The following COL26A1 variants were observed in gnomAD, a reference collection of about 807,000 sequenced individuals.
COL26A1 encodes collagen alpha-1(XXVI) chain.
In COL26A1, 41 loss-of-function variants were observed where a neutral mutation model predicts 59.3. The observed-to-expected ratio is 0.69, with a 90% CI of 0.54 to 0.90. The LOEUF (loss-of-function observed/expected upper bound fraction) is 0.90, where lower values mean the gene tolerates loss of function less well. COL26A1 is among the 40% of genes least tolerant of loss of function. COL26A1 has a pLI of 0.00. For missense variants in COL26A1, 612 were observed against 602.3 expected (o/e 1.02, Z -0.17); for synonymous variants, 266 against 256.0 (o/e 1.04, Z -0.37).
At chr7:101,478,313 C>T (rs1794092906) in intron 3 of COL26A1, among the ~76,000 whole-genome samples, 1 of 152,204 alleles carries the variant, frequency 6.6e-6, no homozygotes, top group African/African-American at 2.4e-5. Context: ...ACAAACCTTT[C>T]TGTGACTTGA....
At chr7:101,524,769 CTT>C (rs1429965700) in intron 3 of COL26A1, among the ~76,000 whole-genome samples, 1 of 152,078 alleles carries the variant, frequency 6.6e-6, no homozygotes, top group African/African-American at 2.4e-5. Context: ...TGTAAACTGT[CTT>C]TATATTCCAG....
Position 101,363,188 on chromosome 7 carries a change from C to T in COL26A1, c.156C>T (p.Arg52=), listed in dbSNP as rs919553482. The change falls in exon 1 of 13, where the codon CGC becomes CGT. Residue 52 remains arginine, a splice_region_variant and synonymous_variant. Transcript: ENST00000313669. ...CCCCTGGCAGCGGCTACGCGAGCCGCCGGTGAGTAGCTCGGGGCCGAGGGG... is the reference window on the plus strand; with the variant it reads ...CCCCTGGCAGCGGCTACGCGAGCCGTCGGTGAGTAGCTCGGGGCCGAGGGG... The part of the protein sequence containing the change: ...AGSPGSGYAS[R]RHWCHHTVTR... 6.8e-7 allele frequency: 1 copy of T among 1,474,430 alleles called. No homozygotes were observed. Among genetic ancestry groups the T allele is most frequent in the Admixed American group, 2.2e-5 (1 of 46,456 alleles). 91.3% of individuals were successfully genotyped at this position (1,474,430 alleles called of 1,614,324 possible).
At chr7:101,401,190 G>A (rs17133749) in intron 1 of COL26A1, among the ~76,000 whole-genome samples, 1 of 151,966 alleles carries the variant, frequency 6.6e-6, no homozygotes, top group Admixed American at 6.6e-5. Context: ...CCTTCAAGCC[G>A]TCTGGACAGT....
At chr7:101,538,662 A>G (rs2130651048) in intron 4 of COL26A1, among the ~76,000 whole-genome samples, 1 of 152,270 alleles carries the variant, frequency 6.6e-6, no homozygotes, top group South Asian at 2.1e-4. Context: ...TGCAGCCCAC[A>G]GCAGGGCCTG....
At chr7:101,410,686 GGTGT>G (rs3072481) in intron 1 of COL26A1, among the ~76,000 whole-genome samples, 3,947 of 149,614 alleles carry the variant, frequency 0.026, 70 homozygotes, top group Non-Finnish European at 0.041. Context: ...GGCTAATTTT[GGTGT>G]GTGTGTGTGT....
At chr7:101,467,809 G>C (rs1430372966) in intron 3 of COL26A1, among the ~76,000 whole-genome samples, 2 of 152,170 alleles carry the variant, frequency 1.3e-5, no homozygotes, top group East Asian at 3.9e-4. Context: ...AGGGCTTGCA[G>C]TGAGCCGAGA....
intron 1 of COL26A1, among the ~76,000 whole-genome samples, chr7:101,404,141 T>TG (rs1792074819): frequency 6.6e-6 from 1 of 152,144 alleles, no homozygotes; most frequent in Admixed American, 6.6e-5. Context: ...TTGTGAAGCC[T>TG]GGAGCGGTGG....
At chr7:101,395,475 C>A (rs1584369683) in intron 1 of COL26A1, among the ~76,000 whole-genome samples, 1 of 152,214 alleles carries the variant, frequency 6.6e-6, no homozygotes, top group Non-Finnish European at 1.5e-5. Context: ...GGCAGGCCCT[C>A]CGCCCTGGTA....
At chr7:101,363,529 G>GGGGCGCA (rs1790957219) in intron 1 of COL26A1, among the ~76,000 whole-genome samples, 1 of 90,834 alleles carries the variant, frequency 1.1e-5, no homozygotes, top group Admixed American at 9.9e-5. Context: ...ATTGGGGGCT[G>GGGGCGCA]GGGCGCGGGG....
chr7:101,486,734 T>C (rs1386171450), intron 3 of COL26A1, among the ~76,000 whole-genome samples: 1 of 152,260 alleles, frequency 6.6e-6, no homozygotes, highest in Non-Finnish European at 1.5e-5. Context: ...CCTGCCTTTG[T>C]CTTCTATCAG....
At chr7:101,493,069 C>T (rs1044128913) in intron 3 of COL26A1, among the ~76,000 whole-genome samples, 1 of 152,188 alleles carries the variant, frequency 6.6e-6, no homozygotes, top group Non-Finnish European at 1.5e-5. Context: ...ATCATCATTC[C>T]CCTTTCACAG....
At chr7:101,461,588 G>A (rs1335764876) in intron 3 of COL26A1, among the ~76,000 whole-genome samples, 1 of 152,132 alleles carries the variant, frequency 6.6e-6, no homozygotes, top group Non-Finnish European at 1.5e-5. Flanking sequence ...GTGAGCCACG[G>A]TGCCCAGCCA....
intron 3 of COL26A1, among the ~76,000 whole-genome samples, chr7:101,523,751 T>C (rs1795184600): frequency 6.6e-6 from 1 of 152,210 alleles, no homozygotes; most frequent in Non-Finnish European, 1.5e-5. Flanking sequence ...TTAATTACTA[T>C]AGTTTTGTAA....
intron 3 of COL26A1, among the ~76,000 whole-genome samples, chr7:101,468,619 A>G (rs967031595): frequency 2.0e-5 from 3 of 152,234 alleles, no homozygotes; most frequent in Admixed American, 2.0e-4. Flanking sequence ...CCATGATGCC[A>G]TGTCTAGACA....
chr7:101,490,282 G>A (rs1187267061), intron 3 of COL26A1, among the ~76,000 whole-genome samples: 1 of 151,914 alleles, frequency 6.6e-6, no homozygotes, highest in East Asian at 2.0e-4. Context: ...TGGCTATGTT[G>A]CCCAAGTTGG....
rs3073374 is a variant in COL26A1 at position 101,510,027 on chromosome 7, C to CTTTTTTTTTTTTTTTTTTTTTTTTT, written c.386-23041_386-23040insTTTTTTTTTTTTTTTTTTTTTTTTT. On this transcript the variant is annotated intron_variant, in intron 3 of 12. Coordinates refer to ENST00000313669, the MANE Select transcript of COL26A1 (RefSeq NM_001278563.3). Reference sequence around the variant, plus strand: ...ATAGGCATAAGCCATCGCGCCCAGTCTTTTTTTTTTTTTTAAGAGGGTCTC... The same window carrying CTTTTTTTTTTTTTTTTTTTTTTTTT: ...ATAGGCATAAGCCATCGCGCCCAGTCTTTTTTTTTTTTTTTTTTTTTTTTTTTTTTTTTTTTTTTAAGAGGGTCTC... 1.1e-3 allele frequency among the ~76,000 whole-genome samples: 137 copies of CTTTTTTTTTTTTTTTTTTTTTTTTT among 122,280 alleles called. 25 individuals carry two copies. Among genetic ancestry groups the CTTTTTTTTTTTTTTTTTTTTTTTTT allele is most frequent in the African/African-American group, 5.2e-3 (129 of 24,646 alleles). 80.2% of individuals were successfully genotyped at this position (122,280 alleles called of 152,430 possible).
intron 1 of COL26A1, among the ~76,000 whole-genome samples, chr7:101,386,870 G>A (rs1449777968): frequency 6.6e-6 from 1 of 152,186 alleles, no homozygotes; most frequent in African/African-American, 2.4e-5. Context: ...GAAGGGGGTG[G>A]TAGCATTGCA....
At position 101,510,027 on chromosome 7, in the gene COL26A1, C is replaced by CTTTTTTTTTTTTTTTTTTTTTTTTTT. The variant is rs3073374; in HGVS notation, c.386-23041_386-23040insTTTTTTTTTTTTTTTTTTTTTTTTTT. Among the ~76,000 whole-genome samples the CTTTTTTTTTTTTTTTTTTTTTTTTTT allele has an allele frequency of 6.9e-4, 84 of 122,292 alleles. 12 individuals carry two copies. The highest frequency in any genetic ancestry group is 3.0e-3 in the African/African-American group (75 of 24,654). 80.2% of individuals were successfully genotyped at this position (122,292 alleles called of 152,430 possible). A position where few individuals can be genotyped will look rare whatever the true frequency, so the allele number is the denominator to read the frequency against. ...ATAGGCATAAGCCATCGCGCCCAGT[C>CTTTTTTTTTTTTTTTTTTTTTTTTTT]TTTTTTTTTTTTTTAAGAGGGTCTC... is the stretch of plus-strand genomic sequence containing the variant. On this transcript the variant is annotated intron_variant, in intron 3 of 12. Transcript: ENST00000313669.
chr7:101,422,984 G>A (rs1308176529), intron 2 of COL26A1, among the ~76,000 whole-genome samples: 1 of 152,122 alleles, frequency 6.6e-6, no homozygotes, highest in Non-Finnish European at 1.5e-5. Flanking sequence ...CAATAACGCA[G>A]CCGGGCACGG....
Sources: allele counts gnomAD v4.1 joint callset (sites outside exome capture counted in the v4.1 genomes callset), GRCh38; gene constraint gnomAD v4.1.1; transcripts MANE v1.5; gene names NCBI Gene and HGNC (gene_info 2026-07-23, HGNC 2026-07-21).